Variants in SLC37A1 observed in about 807,000 individuals in gnomAD.
SLC37A1 encodes solute carrier family 37 member 1, also known as glucose-6-phosphate exchanger SLC37A1.
A neutral mutation model predicts 75.3 loss-of-function variants in SLC37A1; 49 were observed. The observed-to-expected ratio is 0.65, with a 90% CI of 0.52 to 0.83. The LOEUF (loss-of-function observed/expected upper bound fraction) is 0.83. Ranked by LOEUF, SLC37A1 falls within the 40% of genes least tolerant of loss-of-function variation. The pLI is 0.00. For synonymous variants in SLC37A1, 268 were observed against 292.1 expected, an observed-to-expected ratio of 0.92 and a Z score of 0.84; for missense variants, 566 against 695.0, an observed-to-expected ratio of 0.81 and a Z score of 2.09.
chr21:42,553,763 C>CA (rs2055613909), intron 9 of SLC37A1, among the ~76,000 whole-genome samples: 1 of 151,876 alleles, frequency 6.6e-6, no homozygotes, highest in Non-Finnish European at 1.5e-5. Flanking sequence ...CTTTTCATTT[C>CA]AAAACCATTG....
chr21:42,508,294 A>C (rs1321632461), intron 2 of SLC37A1, among the ~76,000 whole-genome samples: 2 of 151,736 alleles, frequency 1.3e-5, no homozygotes, highest in African/African-American at 4.8e-5. Context: ...ATGCCTGGCT[A>C]ATTTTTGTAT....
intron 9 of SLC37A1, 97 bp from the exon 10 acceptor site, chr21:42,553,965 T>C: frequency 1.0e-6 from 1 of 975,788 alleles, no homozygotes; most frequent in Non-Finnish European, 1.5e-6. Flanking sequence ...TGGTAGCTTT[T>C]TTGGGACGAT....
At chr21:42,570,622 G>A (rs1451470262) in intron 17 of SLC37A1, among the ~76,000 whole-genome samples, 1 of 152,208 alleles carries the variant, frequency 6.6e-6, no homozygotes, top group Non-Finnish European at 1.5e-5. Context: ...ACTCTGCTGT[G>A]AAACCCTGTT....
intron 2 of SLC37A1, chr21:42,502,681 C>G (rs2054350980): frequency 6.6e-6 from 1 of 152,144 alleles, no homozygotes; most frequent in Admixed American, 6.5e-5. Context: ...ACTTTAATAT[C>G]TTACCAGATG....
Position 42,518,964 on chromosome 21 carries a change from G to A in SLC37A1, c.56+454G>A, listed in dbSNP as rs111599848. 2.0e-5 allele frequency among the ~76,000 whole-genome samples: 3 copies of A among 152,266 alleles called. No homozygotes were observed. In the East Asian group the frequency reaches 5.8e-4, roughly 29 times the overall value. On this transcript the variant is annotated intron_variant, in intron 2 of 19. Transcript: ENST00000352133. ...CTGCTTTCCGTTCAGAGAGTGCCTC[G>A]CCTTGCATATTCTGAGAATCCTTCT... is the stretch of plus-strand genomic sequence containing the variant.
rs1028731509 is a variant in SLC37A1 at position 42,543,531 on chromosome 21, G to C, written c.659G>C (p.Gly220Ala). The C allele has an allele frequency of 6.2e-7, 1 of 1,613,888 alleles. No individual in the cohort carries two copies. The highest frequency in any genetic ancestry group is 1.3e-5 in the African/African-American group (1 of 74,944). ...GGCTACTGGGTGTCCACATGCTGGGGCCTGTCCTTCGTCGTGCCTGGAGCC... is the reference window on the plus strand; with the variant it reads ...GGCTACTGGGTGTCCACATGCTGGGCCCTGTCCTTCGTCGTGCCTGGAGCC... ...IAGYWVSTCW[G>A]LSFVVPGAIV... is the part of the protein sequence containing the mutation. The change falls in exon 8 of 20, where the codon GGC becomes GCC. Residue 220 changes from glycine to alanine, a missense_variant. Coordinates refer to ENST00000352133, the MANE Select transcript of SLC37A1 (RefSeq NM_001320537.2).
chr21:42,525,886 G>A (rs764219545), intron 3 of SLC37A1, 29 bp downstream of exon 3: 22 of 1,562,786 alleles, frequency 1.4e-5, no homozygotes, highest in Middle Eastern at 1.7e-4. Context: ...ACTGCCTGTC[G>A]TCTCTGTGAG....
At position 42,554,827 on chromosome 21, in the gene SLC37A1, C is replaced by T. The variant is rs2055643323; in HGVS notation, c.849+685C>T. On this transcript the variant is annotated intron_variant, in intron 10 of 19. Transcript: ENST00000352133. ...GCACCTGAGCCTCCTGTGCCCTACC[C>T]TTCCCATCATTGATCCTTGTAGAGG... Among the ~76,000 whole-genome samples the T allele has an allele frequency of 2.6e-5, 4 of 152,292 alleles. No homozygotes were observed. In the South Asian group the frequency reaches 8.3e-4, roughly 32 times the overall value.
intron 6 of SLC37A1, among the ~76,000 whole-genome samples, chr21:42,540,632 C>T (rs889787862): frequency 2.6e-5 from 4 of 152,130 alleles, no homozygotes; most frequent in African/African-American, 9.7e-5. Context: ...TGGCTTCTGC[C>T]CTTCCCAGCA....
chr21:42,525,925 C>A, intron 3 of SLC37A1, 68 bp downstream of exon 3: 1 of 1,173,552 alleles, frequency 8.5e-7, no homozygotes, highest in Non-Finnish European at 1.3e-6. Context: ...GCTTGTGGGG[C>A]AGAGGATGGG....
intron 2 of SLC37A1, among the ~76,000 whole-genome samples, chr21:42,522,964 C>T (rs2054690104): frequency 6.6e-6 from 1 of 152,346 alleles, no homozygotes; most frequent in African/African-American, 2.4e-5. Flanking sequence ...ATCACCAGGG[C>T]CTGATCACCC....
intron 2 of SLC37A1, among the ~76,000 whole-genome samples, chr21:42,519,979 T>TGTGTGG (rs1436952709): frequency 6.6e-6 from 1 of 152,088 alleles, no homozygotes; most frequent in African/African-American, 2.4e-5. Flanking sequence ...TGTGTGTGTG[T>TGTGTGG]GTGTGCATGT....
chr21:42,552,434 G>A lies in SLC37A1; in HGVS notation c.769-1628G>A, dbSNP rs1374958733. 5.9e-5 allele frequency among the ~76,000 whole-genome samples: 9 copies of A among 152,222 alleles called. No individual in the cohort carries two copies. Among genetic ancestry groups the A allele is most frequent in the East Asian group, 1.9e-4 (1 of 5,202 alleles). On this transcript the variant is annotated intron_variant, in intron 9 of 19. Transcript: ENST00000352133. This position sits in a 1 kb window ranked among gnomAD's most constrained non-coding sequence, Gnocchi z 4.2. The stretch of plus-strand genomic sequence containing the variant: ...CAGCCCAGGATGATGTGGGGTGTGC[G>A]TGTTGAGTGTCAGGGACACAGACTC...
rs952426141 is a variant in SLC37A1 at position 42,535,381 on chromosome 21, C to T, written c.272-91C>T. 61 of 1,126,772 alleles carry T rather than the reference C, an allele frequency of 5.4e-5. No homozygotes were observed. In the African/African-American group the frequency reaches 6.9e-4, roughly 13 times the overall value. 69.8% of individuals were successfully genotyped at this position (1,126,772 alleles called of 1,614,324 possible). A position where few individuals can be genotyped will look rare whatever the true frequency, so the allele number is the denominator to read the frequency against. On this transcript the variant is annotated intron_variant, in intron 4 of 19. Coordinates refer to ENST00000352133, the MANE Select transcript of SLC37A1 (RefSeq NM_001320537.2). Reference sequence around the variant, plus strand: ...CGTTTCACTAAGTACACCCCGATTTCGGGAACAGATGCTTTGTGTTTTATA... The same window carrying T: ...CGTTTCACTAAGTACACCCCGATTTTGGGAACAGATGCTTTGTGTTTTATA...
chr21:42,535,652 C>A, intron 5 of SLC37A1, 102 bp downstream of exon 5: 1 of 984,646 alleles, frequency 1.0e-6, no homozygotes, highest in Middle Eastern at 3.1e-4. Flanking sequence ...GGGATTGAGG[C>A]CCCCGCTTGC....
At chr21:42,506,848 G>A (rs1256192756) in intron 2 of SLC37A1, among the ~76,000 whole-genome samples, 1 of 152,116 alleles carries the variant, frequency 6.6e-6, no homozygotes, top group Non-Finnish European at 1.5e-5. Flanking sequence ...ATGATCTTGA[G>A]TAATATTCAG....
chr21:42,519,628 T>A (rs184147295), intron 2 of SLC37A1, among the ~76,000 whole-genome samples: 1 of 152,200 alleles, frequency 6.6e-6, no homozygotes, highest in African/African-American at 2.4e-5. Context: ...GCCAACCCCC[T>A]GGCAGCCCCC....
chr21:42,569,592 C>T (rs1172447915), intron 17 of SLC37A1, among the ~76,000 whole-genome samples: 2 of 151,968 alleles, frequency 1.3e-5, no homozygotes, highest in Non-Finnish European at 2.9e-5. Flanking sequence ...AGATATCATC[C>T]TCTCAGCAAG....
At chr21:42,555,253 G>A (rs1160739256) in intron 10 of SLC37A1, among the ~76,000 whole-genome samples, 1 of 152,040 alleles carries the variant, frequency 6.6e-6, no homozygotes, top group Non-Finnish European at 1.5e-5. Context: ...CTCCCAAAGT[G>A]CTGGAATTAC....
Sources: allele counts gnomAD v4.1 joint callset (sites outside exome capture counted in the v4.1 genomes callset), GRCh38; gene constraint gnomAD v4.1.1; non-coding constraint Gnocchi (gnomAD v3.1); transcripts MANE v1.5; gene names NCBI Gene and HGNC (gene_info 2026-07-23, HGNC 2026-07-21).